Variants in PHLDB2 observed in about 807,000 individuals in gnomAD.
PHLDB2 encodes pleckstrin homology-like domain family B member 2.
Under a neutral mutation model 123.6 loss-of-function variants are expected in PHLDB2, and 71 were observed. That is an observed-to-expected ratio of 0.57 (90% CI 0.47 to 0.70). PHLDB2 has a LOEUF of 0.70. PHLDB2 is among the 30% of genes least tolerant of loss of function. The pLI, the probability that PHLDB2 is intolerant of heterozygous loss-of-function variation, is 0.00. For synonymous variants in PHLDB2, 547 were observed against 541.6 expected, an observed-to-expected ratio of 1.01 and a Z score of -0.14; for missense variants, 1,446 against 1,519.5, an observed-to-expected ratio of 0.95 and a Z score of 0.80.
At chr3:111,871,661 C>CA (rs879382585) in intron 1 of PHLDB2, among the ~76,000 whole-genome samples, 4 of 92,732 alleles carry the variant, frequency 4.3e-5, no homozygotes, top group East Asian at 4.6e-4. Flanking sequence ...AACAAACAAA[C>CA]AAAAAAAACT....
In PHLDB2 at chr3:111,945,496, G is replaced by A. The variant is rs1302593833; in HGVS notation, c.2487+139G>A. ...CACTCAATGCTTGGATGGTTTCCCT[G>A]CCTTTCATTATGTATGCTTTGAGGA... On this transcript the variant is annotated intron_variant, in intron 9 of 17. Coordinates refer to ENST00000431670, the MANE Select transcript of PHLDB2 (RefSeq NM_001134438.2). 2.1e-5 allele frequency: 15 copies of A among 698,108 alleles called. No homozygotes were observed. In the South Asian group the frequency reaches 2.3e-4, roughly 11 times the overall value. 43.2% of individuals were successfully genotyped at this position (698,108 alleles called of 1,614,324 possible).
intron 10 of PHLDB2, among the ~76,000 whole-genome samples, chr3:111,950,961 G>C (rs1039086868): frequency 6.6e-6 from 1 of 152,126 alleles, no homozygotes; most frequent in Non-Finnish European, 1.5e-5. Context: ...ATCTCTAGTA[G>C]CAAAACAATC....
At chr3:111,844,717 G>A (rs1198665856) in intron 1 of PHLDB2, among the ~76,000 whole-genome samples, 1 of 152,194 alleles carries the variant, frequency 6.6e-6, no homozygotes, top group Admixed American at 6.5e-5. Context: ...TTGAATAGGA[G>A]ATGGTGATTG....
chr3:111,884,801 T>C lies in PHLDB2; in HGVS notation c.724T>C (p.Ser242Pro). 6.2e-7 allele frequency: 1 copy of C among 1,614,000 alleles called. No individual in the cohort carries two copies. Among genetic ancestry groups the C allele is most frequent in the African/African-American group, 1.3e-5 (1 of 75,000 alleles). Residue 242 changes from serine (S) to proline (P), a missense_variant, in exon 2 of 18, where the codon TCC becomes CCC. Transcript: ENST00000431670. ...ENINLRTRKY[S>P]SSSLSHMGAY... ...CATCAATTTGAGAACTAGGAAGTAC[T>C]CCAGCAGCAGCCTGAGTCACATGGG...
In PHLDB2 at chr3:111,975,850, T is replaced by G. The variant is rs1399030989; in HGVS notation, c.*1287T>G. 1 of 152,636 alleles carries G rather than the reference T, an allele frequency of 6.6e-6. No individual in the cohort carries two copies. The highest frequency in any genetic ancestry group is 2.4e-5 in the African/African-American group (1 of 41,448). 9.5% of individuals were successfully genotyped at this position (152,636 alleles called of 1,614,324 possible). A position where few individuals can be genotyped will look rare whatever the true frequency, so the allele number is the denominator to read the frequency against. ...AATATTACTTACAAGATGAAATGAT[T>G]AGATTAGAAGTGTCCCTTTATTAAA... On this transcript the variant is annotated 3_prime_UTR_variant, in exon 18 of 18. Transcript: ENST00000431670.
chr3:111,895,366 C>T (rs2066773252), intron 2 of PHLDB2, among the ~76,000 whole-genome samples: 2 of 152,134 alleles, frequency 1.3e-5, no homozygotes, highest in African/African-American at 4.8e-5. Flanking sequence ...ATATAGAAAG[C>T]AACTTGGACT....
At chr3:111,742,494 T>C (rs1009562337) in intron 1 of PHLDB2, among the ~76,000 whole-genome samples, 1 of 152,034 alleles carries the variant, frequency 6.6e-6, no homozygotes, top group Non-Finnish European at 1.5e-5. Context: ...CGGTGTGTGA[T>C]GTTCCCCTTC....
intron 11 of PHLDB2, 179 bp from the exon 12 acceptor site, chr3:111,953,751 A>G (rs994674196): frequency 1.2e-5 from 6 of 496,228 alleles, no homozygotes; most frequent in South Asian, 2.9e-5. Flanking sequence ...CTACCCTGGA[A>G]CTTCTCGGGA....
chr3:111,974,603 A>C lies in PHLDB2; in HGVS notation c.*40A>C, dbSNP rs771495435. 1.9e-6 allele frequency: 3 copies of C among 1,548,184 alleles called. No homozygotes were observed. The East Asian group carries it at 7.0e-5, about 36-fold the overall frequency. On this transcript the variant is annotated 3_prime_UTR_variant, in exon 18 of 18. Transcript: ENST00000431670. ...AGTCCACTTCAGGGCAGACGGCAAT[A>C]ATCTCTTACAAGAATGAAGCCATAT... is the stretch of plus-strand genomic sequence containing the variant.
chr3:111,895,925 G>T (rs2066835627), intron 2 of PHLDB2, among the ~76,000 whole-genome samples: 1 of 151,830 alleles, frequency 6.6e-6, no homozygotes, highest in Admixed American at 6.6e-5. Flanking sequence ...TTAAGTGAAG[G>T]AGGACTATTG....
intron 1 of PHLDB2, among the ~76,000 whole-genome samples, chr3:111,738,365 C>T (rs931344492): frequency 1.6e-4 from 25 of 152,142 alleles, no homozygotes; most frequent in African/African-American, 6.0e-4. Context: ...GGCTTTATGC[C>T]AATTTTTACA....
At chr3:111,911,645 G>A (rs12485520) in intron 2 of PHLDB2, 17 of 1,536,058 alleles carry the variant, frequency 1.1e-5, no homozygotes, top group Non-Finnish European at 1.5e-5. Context: ...AGAGTGTGTA[G>A]CTATGAGTGC....
chr3:111,827,685 C>CA (rs565813163), intron 1 of PHLDB2, among the ~76,000 whole-genome samples: 2,958 of 69,636 alleles, frequency 0.042, 24 homozygotes, highest in East Asian at 0.063. Context: ...GAATCCGTCT[C>CA]AAAAAAAAAA....
intron 1 of PHLDB2, among the ~76,000 whole-genome samples, chr3:111,824,929 T>C (rs1335553498): frequency 6.6e-6 from 1 of 152,168 alleles, no homozygotes; most frequent in African/African-American, 2.4e-5. Flanking sequence ...GTGGAAAAAT[T>C]GTTCCTTATA....
rs896065879 is a variant in PHLDB2 at position 111,793,525 on chromosome 3, C to A, written c.-48-52296C>A. Reference sequence around the variant, plus strand: ...TACCCCACTGTGGCCGAGCTGATAACCAAGTGCAAGACAAAGCTCCCTTTA... The same window carrying A: ...TACCCCACTGTGGCCGAGCTGATAAACAAGTGCAAGACAAAGCTCCCTTTA... On this transcript the variant is annotated intron_variant, in intron 1 of 17. Transcript: ENST00000393923. Among the ~76,000 whole-genome samples the A allele has an allele frequency of 2.0e-5, 3 of 151,994 alleles. No individual in the cohort carries two copies. The East Asian group carries it at 5.8e-4, about 30-fold the overall frequency.
intron 17 of PHLDB2, among the ~76,000 whole-genome samples, chr3:111,974,068 G>T (rs900686802): frequency 9.8e-5 from 15 of 152,288 alleles, no homozygotes; most frequent in Non-Finnish European, 1.2e-4. Flanking sequence ...CTCTGCCAGG[G>T]TTCTAAAAAG....
At position 111,939,588 on chromosome 3, in the gene PHLDB2, G is replaced by T; in HGVS notation, c.2244G>T (p.Leu748=). 6.2e-7 allele frequency: 1 copy of T among 1,613,642 alleles called. No individual in the cohort carries two copies. Among genetic ancestry groups the T allele is most frequent in the South Asian group, 1.1e-5 (1 of 90,912 alleles). Reference sequence around the variant, plus strand: ...AGGAGAACTTGACTCAACAGCTCCTGCGTGAAGTTGCTGAATATCAACGGA... The same window carrying T: ...AGGAGAACTTGACTCAACAGCTCCTTCGTGAAGTTGCTGAATATCAACGGA... ...EEKENLTQQL[L]REVAEYQRNI... Residue 748 remains leucine (L), a synonymous_variant, in exon 7 of 18, where the codon CTG becomes CTT. Transcript: ENST00000431670.
chr3:111,945,310 C>T lies in PHLDB2; in HGVS notation c.2440C>T (p.Leu814Phe), dbSNP rs747935116. The T allele has an allele frequency of 6.2e-7, 1 of 1,611,024 alleles. No individual in the cohort carries two copies. The highest frequency in any genetic ancestry group is 1.1e-5 in the South Asian group (1 of 90,816). Reference sequence around the variant, plus strand: ...TAATTTGGAAAAGAAATACTCCAGCCTCTCTGGGGGGAAAGGGTTTCCCGT... The same window carrying T: ...TAATTTGGAAAAGAAATACTCCAGCTTCTCTGGGGGGAAAGGGTTTCCCGT... ...LCNLEKKYSS[L>F]SGGKGFPVNP... The change falls in exon 9 of 18, where the codon CTC (leucine) becomes TTC (phenylalanine). Residue 814 changes from leucine (L) to phenylalanine (F), a missense_variant. Leu to Phe is a conservative substitution (Grantham distance 22, BLOSUM62 0). Transcript: ENST00000431670.
intron 8 of PHLDB2, among the ~76,000 whole-genome samples, chr3:111,944,417 A>G (rs2070144710): frequency 6.6e-6 from 1 of 152,104 alleles, no homozygotes; most frequent in Non-Finnish European, 1.5e-5. Flanking sequence ...TGGCAAGGAC[A>G]CATATACAAA....
Sources: allele counts gnomAD v4.1 joint callset (sites outside exome capture counted in the v4.1 genomes callset), GRCh38; gene constraint gnomAD v4.1.1; transcripts MANE v1.5; gene names NCBI Gene and HGNC (gene_info 2026-07-23, HGNC 2026-07-21).